TRIO: variants seen among roughly 807,000 people sequenced by gnomAD.
TRIO encodes the protein triple functional domain protein.
TRIO carries 58 observed loss-of-function variants against 351.9 expected under a neutral mutation model. The ratio of observed to expected loss-of-function variants is 0.16; its 90% CI spans 0.13 to 0.21. TRIO has a LOEUF of 0.21. TRIO is among the 10% of genes least tolerant of loss of function. The pLI, the probability that TRIO is intolerant of heterozygous loss-of-function variation, is 1.00. For missense variants in TRIO, 3,201 were observed against 4,027.8 expected, an observed-to-expected ratio of 0.79 and a Z score of 5.56; for synonymous variants, 1,758 against 1,595.7, an observed-to-expected ratio of 1.10 and a Z score of -2.42.
chr5:14,287,911 A>G (rs758364732), intron 4 of TRIO, among the ~76,000 whole-genome samples: 2 of 152,246 alleles, frequency 1.3e-5, no homozygotes, highest in African/African-American at 2.4e-5. Context: ...ATAATATTAA[A>G]CATCAGACAG....
intron 1 of TRIO, among the ~76,000 whole-genome samples, chr5:14,256,938 G>A (rs1480664992): frequency 6.6e-6 from 1 of 152,218 alleles, no homozygotes; most frequent in East Asian, 1.9e-4. Flanking sequence ...TGGGCCAAGG[G>A]TGTGGCACCA....
intron 37 of TRIO, among the ~76,000 whole-genome samples, chr5:14,468,727 G>A (rs958587998): frequency 3.3e-5 from 5 of 152,162 alleles, no homozygotes; most frequent in African/African-American, 9.7e-5. Flanking sequence ...TGAGGCTGTC[G>A]CACACTCATA....
intron 27 of TRIO, among the ~76,000 whole-genome samples, chr5:14,392,857 T>C (rs1747219837): frequency 6.6e-6 from 1 of 151,904 alleles, no homozygotes; most frequent in African/African-American, 2.4e-5. Flanking sequence ...CCATCCTGGC[T>C]AACATGGTGA....
At chr5:14,244,307 G>C (rs563653054) in intron 1 of TRIO, among the ~76,000 whole-genome samples, 1 of 152,254 alleles carries the variant, frequency 6.6e-6, no homozygotes, top group African/African-American at 2.4e-5. Flanking sequence ...ATTTAATATA[G>C]AAATGCATAG....
chr5:14,172,193 T>G (rs1205205242), intron 1 of TRIO, among the ~76,000 whole-genome samples: 1 of 152,214 alleles, frequency 6.6e-6, no homozygotes, highest in African/African-American at 2.4e-5. Flanking sequence ...TTTAGAAAGA[T>G]TGTGCATATT....
chr5:14,144,458 G>T (rs980050261), intron 1 of TRIO, among the ~76,000 whole-genome samples: 1 of 152,164 alleles, frequency 6.6e-6, no homozygotes, highest in African/African-American at 2.4e-5. Flanking sequence ...GTGAAACGGG[G>T]CAGTCACGGC....
intron 1 of TRIO, among the ~76,000 whole-genome samples, chr5:14,204,621 A>C (rs1378680317): frequency 6.6e-6 from 1 of 152,234 alleles, no homozygotes; most frequent in Non-Finnish European, 1.5e-5. Flanking sequence ...GATATTGCCC[A>C]AAATAAGACT....
At position 14,368,854 on chromosome 5, in the gene TRIO, C is replaced by G. The variant is rs756381004; in HGVS notation, c.3021C>G (p.Leu1007=). The change falls in exon 17 of 57, where the codon CTC becomes CTG. Residue 1007 remains leucine, a synonymous_variant. Coordinates refer to ENST00000344204, the MANE Select transcript of TRIO (RefSeq NM_007118.4). ...QQLMLKMEDR[L]KLVNASVAFY... ...TCATGCTCAAGATGGAAGATCGCCT[C>G]AAGCTCGTCAACGCCTCTGTCGCTT... 72 of 1,614,060 alleles carry G rather than the reference C, an allele frequency of 4.5e-5. No individual in the cohort carries two copies. Among genetic ancestry groups the G allele is most frequent in the Non-Finnish European group, 5.8e-5 (68 of 1,180,056 alleles).
At chr5:14,339,578 C>T (rs1315169688) in intron 11 of TRIO, among the ~76,000 whole-genome samples, 1 of 152,178 alleles carries the variant, frequency 6.6e-6, no homozygotes, top group African/African-American at 2.4e-5. Context: ...CCTCGACCTG[C>T]ACCATCTTAC....
In TRIO at chr5:14,487,996, G is replaced by T. The variant is rs778141701; in HGVS notation, c.7368G>T (p.Pro2456=). The T allele has an allele frequency of 1.4e-4, 213 of 1,567,364 alleles. No individual in the cohort carries two copies. The highest frequency in any genetic ancestry group is 2.2e-4 in the Admixed American group (12 of 54,398). Reference sequence around the variant, plus strand: ...AGCCCCGGGCCGGGGCCGCTTCGCCGCTGAACTCGCCGCTCTCCAGCGCGG... The same window carrying T: ...AGCCCCGGGCCGGGGCCGCTTCGCCTCTGAACTCGCCGCTCTCCAGCGCGG... ...LGKPRAGAAS[P]LNSPLSSAVP... The change falls in exon 48 of 57, where the codon CCG becomes CCT. Residue 2456 remains proline (P), a synonymous_variant. Coordinates refer to ENST00000344204, the MANE Select transcript of TRIO (RefSeq NM_007118.4).
At chr5:14,321,818 G>A (rs575714715) in intron 9 of TRIO, among the ~76,000 whole-genome samples, 4 of 152,244 alleles carry the variant, frequency 2.6e-5, no homozygotes, top group Admixed American at 6.5e-5. Context: ...TACTGTTCTC[G>A]TGATAGTGAA....
intron 1 of TRIO, among the ~76,000 whole-genome samples, chr5:14,172,077 A>G (rs942353325): frequency 6.6e-6 from 1 of 152,184 alleles, no homozygotes; most frequent in Admixed American, 6.5e-5. Context: ...CTTTTTGCCA[A>G]TCTGTTCTCT....
At chr5:14,329,240 G>T (rs1001952923) in intron 9 of TRIO, among the ~76,000 whole-genome samples, 1 of 152,218 alleles carries the variant, frequency 6.6e-6, no homozygotes, top group Admixed American at 6.5e-5. Context: ...TGTCTTTGCT[G>T]TGTGTGCCCA....
intron 1 of TRIO, among the ~76,000 whole-genome samples, chr5:14,264,161 A>G (rs1424912853): frequency 6.6e-6 from 1 of 152,096 alleles, no homozygotes; most frequent in Non-Finnish European, 1.5e-5. Context: ...TACATTAAAA[A>G]TATATATATT....
chr5:14,387,296 A>C, intron 21 of TRIO, 142 bp from the exon 22 acceptor site: 1 of 720,396 alleles, frequency 1.4e-6, no homozygotes, highest in Non-Finnish European at 2.3e-6. Flanking sequence ...GAGTGGGTGG[A>C]CCTGGGGCTT....
At chr5:14,263,713 A>G (rs1436691260) in intron 1 of TRIO, among the ~76,000 whole-genome samples, 1 of 152,170 alleles carries the variant, frequency 6.6e-6, no homozygotes, top group Non-Finnish European at 1.5e-5. Flanking sequence ...TTGGGGCAGG[A>G]CAGCATCACA....
At chr5:14,355,820 A>G (rs1743566296) in intron 11 of TRIO, among the ~76,000 whole-genome samples, 1 of 152,238 alleles carries the variant, frequency 6.6e-6, no homozygotes, top group Non-Finnish European at 1.5e-5. Context: ...TGGCATTTTC[A>G]TGTGGAATTA....
intron 1 of TRIO, among the ~76,000 whole-genome samples, chr5:14,156,689 C>T (rs1034186614): frequency 1.3e-5 from 2 of 152,200 alleles, no homozygotes; most frequent in Non-Finnish European, 2.9e-5. Context: ...TTTGAGAATG[C>T]TAACCCACAC....
intron 1 of TRIO, among the ~76,000 whole-genome samples, chr5:14,245,167 T>A (rs1794359573): frequency 6.6e-6 from 1 of 152,224 alleles, no homozygotes; most frequent in Non-Finnish European, 1.5e-5. Context: ...ACTTTGAACA[T>A]CCACTCGCCG....
Sources: gnomAD v4.1 joint callset for allele counts (sites outside exome capture counted in the v4.1 genomes callset) on GRCh38, gnomAD v4.1.1 for gene constraint, MANE v1.5 for transcripts, NCBI Gene and HGNC (gene_info 2026-07-23, HGNC 2026-07-21) for gene names.